Variants in LMBRD1 observed in about 807,000 individuals in gnomAD.
LMBRD1 encodes the protein LMBR1 domain containing 1.
In LMBRD1, 64 loss-of-function variants were observed where a neutral mutation model predicts 74.8. That is an observed-to-expected ratio of 0.86 (90% CI 0.70 to 1.05). The LOEUF (loss-of-function observed/expected upper bound fraction) is 1.05, where lower values mean the gene tolerates loss of function less well. Among genes scored for constraint, LMBRD1 ranks in the 50% least tolerant of loss-of-function variants. The pLI, the probability that LMBRD1 is intolerant of heterozygous loss-of-function variation, is 0.00. For synonymous variants in LMBRD1, 204 were observed against 216.3 expected (o/e 0.94, Z 0.50); for missense variants, 652 against 645.9 (o/e 1.01, Z -0.10).
intron 3 of LMBRD1, among the ~76,000 whole-genome samples, chr6:69,762,573 T>C (rs1030153980): frequency 5.9e-5 from 9 of 152,208 alleles, no homozygotes; most frequent in Admixed American, 3.3e-4. Context: ...CACCTGGGTA[T>C]TGTCTGTGTT....
chr6:69,772,104 A>G (rs1765589047), intron 3 of LMBRD1, among the ~76,000 whole-genome samples: 1 of 152,174 alleles, frequency 6.6e-6, no homozygotes, highest in African/African-American at 2.4e-5. Flanking sequence ...TAAATTTGAG[A>G]TGTCTTTGAT....
intron 8 of LMBRD1, among the ~76,000 whole-genome samples, chr6:69,714,818 G>C (rs980686898): frequency 4.6e-5 from 7 of 152,048 alleles, no homozygotes; most frequent in African/African-American, 1.7e-4. Flanking sequence ...ATGATCTTCT[G>C]GAACCAATCA....
intron 3 of LMBRD1, among the ~76,000 whole-genome samples, chr6:69,777,070 C>T (rs961003610): frequency 6.6e-6 from 1 of 152,074 alleles, no homozygotes; most frequent in African/African-American, 2.4e-5. Context: ...ATCACTTGAA[C>T]CTGGGAGGCG....
At chr6:69,687,114 G>T (rs942125377) in intron 14 of LMBRD1, among the ~76,000 whole-genome samples, 4 of 152,164 alleles carry the variant, frequency 2.6e-5, no homozygotes, top group Non-Finnish European at 5.9e-5. Context: ...AAAAGCTGAT[G>T]TCCTTAAAAT....
intron 12 of LMBRD1, among the ~76,000 whole-genome samples, 186 bp downstream of exon 12, chr6:69,700,579 C>G (rs1766104924): frequency 6.6e-6 from 1 of 151,642 alleles, no homozygotes; most frequent in Non-Finnish European, 1.5e-5. Context: ...GCAAAATCAC[C>G]CCCATTTAAG....
At chr6:69,788,117 A>G (rs1449679965) in intron 2 of LMBRD1, among the ~76,000 whole-genome samples, 6 of 132,752 alleles carry the variant, frequency 4.5e-5, no homozygotes, top group Admixed American at 3.9e-4. Context: ...TCATGAAAAT[A>G]CTTTAGAAAT....
At position 69,676,446 on chromosome 6, in the gene LMBRD1, T is replaced by C. The variant is rs745889225; in HGVS notation, c.1509+4A>G. On this transcript the variant is annotated splice_donor_region_variant and intron_variant, in intron 15 of 15. Coordinates refer to ENST00000649934, the MANE Select transcript of LMBRD1 (RefSeq NM_018368.4). ...CAAATCACGCGTGGGATATCTGCACTTACCCCAAGAAAGGCCCAGTTACCA... is the reference window on the plus strand; with the variant it reads ...CAAATCACGCGTGGGATATCTGCACCTACCCCAAGAAAGGCCCAGTTACCA... The C allele has an allele frequency of 3.1e-6, 5 of 1,610,618 alleles. No homozygotes were observed. In the African/African-American group the frequency reaches 5.3e-5, roughly 17 times the overall value.
intron 8 of LMBRD1, among the ~76,000 whole-genome samples, chr6:69,716,311 C>T (rs549056575): frequency 6.6e-6 from 1 of 152,126 alleles, no homozygotes; most frequent in Non-Finnish European, 1.5e-5. Context: ...AACAGCCATT[C>T]TGACTGGTAT....
chr6:69,747,296 G>T (rs1192584334), intron 5 of LMBRD1, among the ~76,000 whole-genome samples: 8 of 152,146 alleles, frequency 5.3e-5, no homozygotes, highest in Non-Finnish European at 1.2e-4. Context: ...AAGGCCATGT[G>T]AAGACAGAGC....
At chr6:69,770,942 G>T (rs1469901035) in intron 3 of LMBRD1, among the ~76,000 whole-genome samples, 1 of 152,164 alleles carries the variant, frequency 6.6e-6, no homozygotes, top group African/African-American at 2.4e-5. Context: ...TAAATAACTG[G>T]AAGAAAAGCA....
At chr6:69,767,669 G>A (rs1419344728) in intron 3 of LMBRD1, among the ~76,000 whole-genome samples, 1 of 151,770 alleles carries the variant, frequency 6.6e-6, no homozygotes, top group Admixed American at 6.6e-5. Context: ...ATTGTGTTCT[G>A]CATCCATTGG....
In LMBRD1 at chr6:69,752,401, A is replaced by G. The variant is rs373048407; in HGVS notation, c.308-45T>C. The G allele has an allele frequency of 2.4e-5, 35 of 1,459,812 alleles. No individual in the cohort carries two copies. The African/African-American group carries it at 4.4e-4, about 19-fold the overall frequency. The allele number at this position is 1,459,812 out of a possible 1,614,324, so 90.4% of individuals were successfully genotyped here. A position where few individuals can be genotyped will look rare whatever the true frequency, so the allele number is the denominator to read the frequency against. On this transcript the variant is annotated intron_variant, in intron 3 of 15. Transcript: ENST00000649934. Reference sequence around the variant, plus strand: ...ACCGAGCTTTACTAAATACATATGTACTTAATCATGGTTATCTATCTATAT... The same window carrying G: ...ACCGAGCTTTACTAAATACATATGTGCTTAATCATGGTTATCTATCTATAT...
At chr6:69,701,139 T>G (rs112905955) in intron 11 of LMBRD1, among the ~76,000 whole-genome samples, 1,651 of 151,930 alleles carry the variant, frequency 0.011, 40 homozygotes, top group African/African-American at 0.036. Flanking sequence ...AAAGACTTGA[T>G]TAAATATTAA....
chr6:69,738,051 T>C (rs1352700877), intron 6 of LMBRD1, 36 bp from the exon 7 acceptor site: 2 of 1,397,292 alleles, frequency 1.4e-6, no homozygotes, highest in South Asian at 1.2e-5. Context: ...AATGTACATA[T>C]ATACTACTCA....
intron 7 of LMBRD1, among the ~76,000 whole-genome samples, chr6:69,726,294 C>A (rs1260936949): frequency 6.6e-6 from 1 of 152,156 alleles, no homozygotes; most frequent in East Asian, 1.9e-4. Flanking sequence ...TAAATTAGTA[C>A]AACCACTACA....
At chr6:69,723,496 T>C (rs540475914) in intron 7 of LMBRD1, among the ~76,000 whole-genome samples, 199 of 152,150 alleles carry the variant, frequency 1.3e-3, no homozygotes, top group Non-Finnish European at 2.5e-3. Flanking sequence ...GGAACAAAGC[T>C]ACAAATCAGT....
chr6:69,741,736 CA>C, intron 6 of LMBRD1, 52 bp downstream of exon 6: 1 of 1,109,394 alleles, frequency 9.0e-7, no homozygotes, highest in Non-Finnish European at 1.4e-6. Flanking sequence ...CTCAAAAGTC[CA>C]AAGTATCAGG....
At position 69,701,878 on chromosome 6, in the gene LMBRD1, A is replaced by G. The variant is rs114726590; in HGVS notation, c.980+11T>C. 4,693 of 1,525,892 alleles carry G rather than the reference A, an allele frequency of 3.1e-3. 101 individuals carry two copies. The African/African-American group carries it at 0.053, about 17-fold the overall frequency. The allele number at this position is 1,525,892 out of a possible 1,614,324, so 94.5% of individuals were successfully genotyped here. ...TATAAGTGCTTTAGAAAATGTGTCT[A>G]CTGTACTTACTTTGACAAGAAGAGA... On this transcript the variant is annotated intron_variant, in intron 10 of 15. Coordinates refer to ENST00000649934, the MANE Select transcript of LMBRD1 (RefSeq NM_018368.4).
intron 7 of LMBRD1, among the ~76,000 whole-genome samples, chr6:69,720,589 T>C (rs529477475): frequency 6.6e-6 from 1 of 152,274 alleles, no homozygotes; most frequent in East Asian, 1.9e-4. Flanking sequence ...ATTTGGTATA[T>C]TTTTTGGACT....
Sources: gnomAD v4.1 joint callset for allele counts (sites outside exome capture counted in the v4.1 genomes callset) on GRCh38, gnomAD v4.1.1 for gene constraint, MANE v1.5 for transcripts, NCBI Gene and HGNC (gene_info 2026-07-23, HGNC 2026-07-21) for gene names.